Variants in UGT1A4 observed in about 807,000 individuals in gnomAD.
UGT1A4 encodes UDP glucuronosyltransferase family 1 member A4.
Under a neutral mutation model 41.1 loss-of-function variants are expected in UGT1A4, and 32 were observed. The ratio of observed to expected loss-of-function variants is 0.78; its 90% confidence interval spans 0.59 to 1.05. The LOEUF (loss-of-function observed/expected upper bound fraction) is 1.05, where lower values mean the gene tolerates loss of function less well. Ranked by LOEUF, UGT1A4 falls within the 50% of genes least tolerant of loss-of-function variation. The pLI is 0.00. For synonymous variants in UGT1A4, 283 were observed against 265.1 expected, an observed-to-expected ratio of 1.07 and a Z score of -0.66; for missense variants, 748 against 677.4, an observed-to-expected ratio of 1.10 and a Z score of -1.16.
chr2:233,747,353 C>A, intron 1 of UGT1A4: 12 of 1,602,858 alleles, frequency 7.5e-6, no homozygotes, highest in Non-Finnish European at 1.0e-5. Flanking sequence ...TGCGGGAGGC[C>A]GTGCGGGAGC....
intron 1 of UGT1A4, among the ~76,000 whole-genome samples, chr2:233,724,404 G>C (rs1202271642): frequency 1.4e-5 from 2 of 140,508 alleles, no homozygotes; most frequent in African/African-American, 2.7e-5. Flanking sequence ...CTTCCCAGAT[G>C]GGGTGGCTGC....
intron 1 of UGT1A4, among the ~76,000 whole-genome samples, chr2:233,720,925 G>A (rs1022099948): frequency 2.7e-5 from 4 of 149,372 alleles, no homozygotes; most frequent in African/African-American, 9.9e-5. Context: ...TAGCCAGGCT[G>A]GTCTTGAACT....
chr2:233,728,946 G>T (rs1229319811), intron 1 of UGT1A4, among the ~76,000 whole-genome samples: 2 of 148,876 alleles, frequency 1.3e-5, no homozygotes, highest in Non-Finnish European at 2.9e-5. Context: ...TCCAGGGTGG[G>T]GCCCACAGTG....
chr2:233,754,869 C>A (rs1695620043), intron 1 of UGT1A4: 2 of 1,352,824 alleles, frequency 1.5e-6, no homozygotes, highest in South Asian at 2.3e-5. Context: ...AGACCCTCTG[C>A]TTCTGCTTCC....
chr2:233,741,589 G>C (rs1281207965), intron 1 of UGT1A4: 1 of 151,856 alleles, frequency 6.6e-6, no homozygotes, highest in Non-Finnish European at 1.5e-5. Flanking sequence ...GCACCTCGGA[G>C]CATGTTGATT....
intron 1 of UGT1A4, among the ~76,000 whole-genome samples, chr2:233,744,817 A>G (rs1304703196): frequency 6.6e-6 from 1 of 151,914 alleles, no homozygotes; most frequent in East Asian, 1.9e-4. Flanking sequence ...TTCCTGGCTC[A>G]TACTTTGAGA....
rs999481021 is a variant in UGT1A4, at chr2:233,751,049, A to G, written c.868-15985A>G. On this transcript the variant is annotated intron_variant, in intron 1 of 4. Transcript: ENST00000373409. The stretch of plus-strand genomic sequence containing the variant: ...ATAGCTTGCACTGTGTGCCTGGAAA[A>G]GACACAGACACTCAATGCCAGCCTC... Among the ~76,000 whole-genome samples, 4 of 151,908 alleles carry G rather than the reference A, an allele frequency of 2.6e-5. 1 individual carries two copies. The highest frequency in any genetic ancestry group is 9.7e-5 in the African/African-American group (4 of 41,164).
intron 1 of UGT1A4, among the ~76,000 whole-genome samples, chr2:233,762,398 T>G (rs969226920): frequency 6.6e-6 from 1 of 152,192 alleles, no homozygotes; most frequent in Non-Finnish European, 1.5e-5. Flanking sequence ...TATGTAAAAT[T>G]TTTTGGTTGC....
chr2:233,754,803 G>T lies in UGT1A4; in HGVS notation c.868-12231G>T, dbSNP rs550413061. 8.8e-5 allele frequency: 113 copies of T among 1,279,154 alleles called. No homozygotes were observed. In the South Asian group the frequency reaches 1.3e-3, roughly 15 times the overall value. The allele number at this position is 1,279,154 out of a possible 1,614,324, so 79.2% of individuals were successfully genotyped here. On this transcript the variant is annotated intron_variant, in intron 1 of 4. Transcript: ENST00000373409. ...AAAGGAACGAAATCCTGTATCAAAAGAAGAAAAACCACCCTCAAAAGCTGG... is the reference window on the plus strand; with the variant it reads ...AAAGGAACGAAATCCTGTATCAAAATAAGAAAAACCACCCTCAAAAGCTGG...
chr2:233,719,051 G>T lies in UGT1A4; in HGVS notation c.231G>T (p.Leu77=). 6.2e-7 allele frequency: 1 copy of T among 1,614,262 alleles called. No homozygotes were observed. The highest frequency in any genetic ancestry group is 8.5e-7 in the Non-Finnish European group (1 of 1,180,038). ...TCAAAGAAGAGAAATTTTTCACCCTGACAGCCTATGCTGTTCCATGGACCC... is the reference window on the plus strand; with the variant it reads ...TCAAAGAAGAGAAATTTTTCACCCTTACAGCCTATGCTGTTCCATGGACCC... ...MHIKEEKFFT[L]TAYAVPWTQK... Residue 77 remains leucine (L), a synonymous_variant, in exon 1 of 5, where the codon CTG becomes CTT. Coordinates refer to ENST00000373409, the MANE Select transcript of UGT1A4 (RefSeq NM_007120.3).
intron 1 of UGT1A4, among the ~76,000 whole-genome samples, chr2:233,730,760 A>T (rs890717703): frequency 1.3e-5 from 2 of 152,118 alleles, no homozygotes; most frequent in Non-Finnish European, 1.5e-5. Flanking sequence ...TAAGACTGTG[A>T]ATCTATAAGC....
At chr2:233,759,117 T>G (rs1697059369) in intron 1 of UGT1A4, among the ~76,000 whole-genome samples, 2 of 152,238 alleles carry the variant, frequency 1.3e-5, no homozygotes, top group African/African-American at 4.8e-5. Flanking sequence ...ACCAGGGAGT[T>G]ACAGCCTCTG....
chr2:233,733,052 A>G (rs1453570280), intron 1 of UGT1A4, among the ~76,000 whole-genome samples: 2 of 151,868 alleles, frequency 1.3e-5, no homozygotes, highest in African/African-American at 4.8e-5. Context: ...ATTCCTAGGT[A>G]TTTTATTCTC....
intron 3 of UGT1A4, 80 bp from the exon 4 acceptor site, chr2:233,768,140 A>T: frequency 6.2e-7 from 1 of 1,609,884 alleles, no homozygotes; most frequent in Non-Finnish European, 8.5e-7. Flanking sequence ...GAGTCTTTGG[A>T]GTGTTTTCAG....
In UGT1A4 at chr2:233,739,254, G is replaced by T. The variant is rs1485037127; in HGVS notation, c.867+19567G>T. Among the ~76,000 whole-genome samples, 4 of 152,216 alleles carry T rather than the reference G, an allele frequency of 2.6e-5. No homozygotes were observed. In the East Asian group the frequency reaches 7.7e-4, roughly 29 times the overall value. ...ACCTCTGCTAGAGAAGGGTGGTAAA[G>T]AAATGTGAGGTTGGAGCCCCCACAC... On this transcript the variant is annotated intron_variant, in intron 1 of 4. Transcript: ENST00000373409.
intron 1 of UGT1A4, among the ~76,000 whole-genome samples, chr2:233,726,792 T>G (rs1032165047): frequency 1.3e-5 from 2 of 152,238 alleles, no homozygotes; most frequent in Admixed American, 1.3e-4. Flanking sequence ...CCACATCTTA[T>G]TCAAGGCTTG....
chr2:233,748,148 C>A, intron 1 of UGT1A4: 1 of 1,604,918 alleles, frequency 6.2e-7, no homozygotes, highest in Non-Finnish European at 8.5e-7. Context: ...TATTTACTTA[C>A]AATTGCTTCC....
chr2:233,769,618 G>A lies in UGT1A4; in HGVS notation c.1307+1179G>A. ...GGAACACGGGGACACACCAGCTTGA[G>A]CAAGGGACAACAGGGGAGGACTGAT... On this transcript the variant is annotated intron_variant, in intron 4 of 4. Coordinates refer to ENST00000373409, the MANE Select transcript of UGT1A4 (RefSeq NM_007120.3). This position sits in a 1 kb window ranked among gnomAD's most constrained non-coding sequence, Gnocchi z 4.4. The A allele has an allele frequency of 1.9e-6, 3 of 1,612,672 alleles. No individual in the cohort carries two copies. Among genetic ancestry groups the A allele is most frequent in the Non-Finnish European group, 2.5e-6 (3 of 1,179,802 alleles).
chr2:233,756,052 G>C (rs1468615948), intron 1 of UGT1A4: 2 of 152,164 alleles, frequency 1.3e-5, no homozygotes, highest in Non-Finnish European at 2.9e-5. Flanking sequence ...AAACTCCACT[G>C]TACACTTGTG....
Sources: gnomAD v4.1 joint callset for allele counts (sites outside exome capture counted in the v4.1 genomes callset) on GRCh38, gnomAD v4.1.1 for gene constraint, Gnocchi (gnomAD v3.1) non-coding constraint, MANE v1.5 for transcripts, NCBI Gene and HGNC (gene_info 2026-07-23, HGNC 2026-07-21) for gene names.